Variants in EVI2B observed in about 807,000 individuals in gnomAD.
The protein encoded by EVI2B is protein EVI2B.
EVI2B carries 4 observed loss-of-function variants against 6.6 expected under a neutral mutation model. The observed-to-expected ratio is 0.61, with a 90% CI of 0.30 to 1.39. The LOEUF is 1.39. Among genes scored for constraint, EVI2B ranks in the 40% most tolerant of loss-of-function variants. The pLI is 0.08. For missense variants in EVI2B, 484 were observed against 516.6 expected (o/e 0.94, Z 0.61); for synonymous variants, 181 against 186.8 (o/e 0.97, Z 0.25).
intron 1 of EVI2B, among the ~76,000 whole-genome samples, chr17:31,306,784 A>G (rs2068733013): frequency 6.6e-6 from 1 of 150,544 alleles, no homozygotes; most frequent in African/African-American, 2.4e-5. Flanking sequence ...GCTCTGTTCT[A>G]GGTTTAGGAG....
chr17:31,309,058 G>A (rs187516291), intron 1 of EVI2B, among the ~76,000 whole-genome samples: 178 of 152,228 alleles, frequency 1.2e-3, no homozygotes, highest in Non-Finnish European at 2.2e-3. Flanking sequence ...AAGGTAAAGG[G>A]ATCCCTTATT....
intron 1 of EVI2B, 63 bp downstream of exon 1, chr17:31,313,916 C>T (rs2068956036): frequency 5.0e-6 from 2 of 396,470 alleles, no homozygotes. Flanking sequence ...ACACTAATGA[C>T]AGTTTTTAAA....
At chr17:31,313,722 A>ATGTGTG (rs60267436) in intron 1 of EVI2B, among the ~76,000 whole-genome samples, 256 of 139,052 alleles carry the variant, frequency 1.8e-3, no homozygotes, top group African/African-American at 5.8e-3. Flanking sequence ...AAAAAAAAAT[A>ATGTGTG]TGTGTGTGTG....
intron 1 of EVI2B, chr17:31,307,854 G>T (rs772804360): frequency 1.6e-6 from 2 of 1,276,426 alleles, no homozygotes; most frequent in African/African-American, 3.0e-5. Flanking sequence ...TTGATGTTCT[G>T]TTGGAAGGTG....
chr17:31,310,842 T>C (rs1422501833), intron 1 of EVI2B, among the ~76,000 whole-genome samples: 2 of 152,196 alleles, frequency 1.3e-5, no homozygotes, highest in Non-Finnish European at 2.9e-5. Flanking sequence ...TTCTTTTTCT[T>C]TGCTGAATAT....
chr17:31,305,681 C>T, intron 1 of EVI2B, 51 bp from the exon 2 acceptor site: 1 of 1,495,154 alleles, frequency 6.7e-7, no homozygotes, highest in Non-Finnish European at 8.9e-7. Context: ...TCATTGGTGT[C>T]TAGTTAAAAA....
intron 1 of EVI2B, among the ~76,000 whole-genome samples, chr17:31,309,387 A>G (rs993238256): frequency 7.9e-5 from 12 of 152,086 alleles, no homozygotes; most frequent in Admixed American, 1.3e-4. Flanking sequence ...CTTTTTATCC[A>G]TTTTGCAAAA....
intron 1 of EVI2B, 89 bp from the exon 2 acceptor site, chr17:31,305,719 T>G: frequency 9.1e-7 from 1 of 1,093,010 alleles, no homozygotes; most frequent in African/African-American, 1.6e-5. Flanking sequence ...ATTCCTGGCA[T>G]AAAGTAGGTA....
chr17:31,308,098 T>A, intron 1 of EVI2B: 1 of 276,256 alleles, frequency 3.6e-6, no homozygotes, highest in Non-Finnish European at 7.4e-6. Flanking sequence ...AGGTTACTAC[T>A]GCCTTGCTTG....
In EVI2B at chr17:31,305,627, T is replaced by C; in HGVS notation, c.-18A>G. 6.2e-7 allele frequency: 1 copy of C among 1,604,030 alleles called. No homozygotes were observed. The highest frequency in any genetic ancestry group is 1.1e-5 in the South Asian group (1 of 89,608). ...GGATCCATTTCAGAATATTTCCTCG[T>C]TATCTATAGCGGGTTTATAATGAAA... On this transcript the variant is annotated 5_prime_UTR_variant, in exon 2 of 2. Coordinates refer to ENST00000330927, the MANE Select transcript of EVI2B (RefSeq NM_006495.4).
intron 1 of EVI2B, among the ~76,000 whole-genome samples, chr17:31,308,178 C>A (rs988264602): frequency 6.6e-6 from 1 of 151,584 alleles, no homozygotes; most frequent in Non-Finnish European, 1.5e-5. Flanking sequence ...CGTTCTGTCA[C>A]CCAGGCTGGA....
intron 1 of EVI2B, among the ~76,000 whole-genome samples, chr17:31,307,551 T>C (rs1193124754): frequency 6.6e-6 from 1 of 152,192 alleles, no homozygotes; most frequent in African/African-American, 2.4e-5. Flanking sequence ...ATGCTAAAAC[T>C]TGGAGAGTTA....
chr17:31,313,778 G>T (rs2068951959), intron 1 of EVI2B, among the ~76,000 whole-genome samples: 1 of 148,098 alleles, frequency 6.8e-6, no homozygotes, highest in South Asian at 2.1e-4. Flanking sequence ...AAACTTAAAA[G>T]GTCTTATACA....
intron 1 of EVI2B, among the ~76,000 whole-genome samples, chr17:31,308,749 C>A (rs2068796061): frequency 6.6e-6 from 1 of 152,120 alleles, no homozygotes; most frequent in Admixed American, 6.6e-5. Context: ...CCCAAGTTCT[C>A]TGTGACTGAC....
In EVI2B at chr17:31,308,314, T is replaced by C. The variant is rs561669646; in HGVS notation, c.-21-2684A>G. ...CACTACCACACCTGGCTAATTTTTG[T>C]ATTTTTAGTAGAGACAGGGTTTCAC... On this transcript the variant is annotated intron_variant, in intron 1 of 1. Coordinates refer to ENST00000330927, the MANE Select transcript of EVI2B (RefSeq NM_006495.4). 3.9e-5 allele frequency among the ~76,000 whole-genome samples: 6 copies of C among 152,214 alleles called. No individual in the cohort carries two copies. The East Asian group carries it at 1.2e-3, about 29-fold the overall frequency.
At chr17:31,307,188 A>G (rs1359236813) in intron 1 of EVI2B, among the ~76,000 whole-genome samples, 2 of 151,914 alleles carry the variant, frequency 1.3e-5, no homozygotes, top group South Asian at 2.1e-4. Flanking sequence ...CGCCTGGCCT[A>G]TTTTTGTATT....
chr17:31,305,445 AGG>A lies in EVI2B; in HGVS notation c.163_164del (p.Pro55PhefsTer35). On this transcript the variant is annotated frameshift_variant, in exon 2 of 2. Transcript: ENST00000330927. LOFTEE classifies it low-confidence loss of function (END_TRUNC). Reference sequence around the variant, plus strand: ...CGCTGAATTGTGTTGGTTGACCCAAAGGATTCCCTGTTGTGTTTTGAGAATTA... The same window carrying A: ...CGCTGAATTGTGTTGGTTGACCCAAAATTCCCTGTTGTGTTTTGAGAATTA... ...LANSQNTTGNPLGQPTQFSDT... is the reference protein window; with the variant it reads ...LANSQNTTGNXLGQPTQFSDT... 6.2e-7 allele frequency: 1 copy of A among 1,614,234 alleles called. No individual in the cohort carries two copies. Among genetic ancestry groups the A allele is most frequent in the Non-Finnish European group, 8.5e-7 (1 of 1,180,034 alleles).
At position 31,305,570 on chromosome 17, in the gene EVI2B, G is replaced by A. The variant is rs772378094; in HGVS notation, c.40C>T (p.His14Tyr). The change falls in exon 2 of 2, where the codon CAC becomes TAC. Residue 14 changes from histidine (H) to tyrosine (Y), a missense_variant. Transcript: ENST00000330927. ...KYFILILFCG[H>Y]LNNTFFSKTE... ...TTTGAAAAAAATGTATTGTTCAGGT[G>A]TCCACAAAACAAAATTAAGATGAAA... 201 of 1,613,568 alleles carry A rather than the reference G, an allele frequency of 1.2e-4. No homozygotes were observed. The highest frequency in any genetic ancestry group is 1.6e-4 in the Non-Finnish European group (191 of 1,179,858).
intron 1 of EVI2B, 132 bp downstream of exon 1, chr17:31,313,847 C>A: frequency 8.8e-6 from 3 of 341,764 alleles, no homozygotes; most frequent in African/African-American, 2.2e-5. Context: ...TAATTCTATG[C>A]AACAAAACCA....
Sources: gnomAD v4.1 joint callset for allele counts (sites outside exome capture counted in the v4.1 genomes callset) on GRCh38, gnomAD v4.1.1 for gene constraint, MANE v1.5 for transcripts, NCBI Gene and HGNC (gene_info 2026-07-23, HGNC 2026-07-21) for gene names.